The following GAREM1 variants were observed in gnomAD, a reference collection of about 807,000 sequenced individuals.
GAREM1 encodes GRB2-associated and regulator of MAPK protein 1.
A neutral mutation model predicts 71.3 loss-of-function variants in GAREM1; 26 were observed. The observed-to-expected ratio is 0.36, with a 90% CI of 0.27 to 0.51. The LOEUF (loss-of-function observed/expected upper bound fraction) is 0.51, where lower values mean the gene tolerates loss of function less well. Ranked by LOEUF, GAREM1 falls within the 20% of genes least tolerant of loss-of-function variation. GAREM1 has a pLI of 0.95. For missense variants in GAREM1, 1,026 were observed against 1,103.1 expected (o/e 0.93, Z 0.99); for synonymous variants, 440 against 433.2 (o/e 1.02, Z -0.20).
At position 32,287,336 on chromosome 18, in the gene GAREM1, G is replaced by A; in HGVS notation, c.1261C>T (p.Leu421=). 2 of 1,614,228 alleles carry A rather than the reference G, an allele frequency of 1.2e-6. No homozygotes were observed. The highest frequency in any genetic ancestry group is 1.7e-6 in the Non-Finnish European group (2 of 1,180,044). The change falls in exon 4 of 6, where the codon CTG becomes TTG. Residue 421 remains leucine, a synonymous_variant. Transcript: ENST00000269209. This position sits in a 1 kb window ranked among gnomAD's most constrained non-coding sequence, Gnocchi z 5.9. ...GDWAPFPHDI[L]PYQDSGDSGS... is the part of the protein sequence containing the mutation. ...CTATCTCCAGAGTCCTGATAGGGCA[G>A]GATGTCATGAGGAAAGGGAGCCCAA...
intron 2 of GAREM1, among the ~76,000 whole-genome samples, chr18:32,383,956 C>T (rs2048120621): frequency 6.6e-6 from 1 of 152,072 alleles, no homozygotes; most frequent in Admixed American, 6.6e-5. Flanking sequence ...ATTTATAGAG[C>T]AATCTAGAAA....
chr18:32,318,414 C>T (rs141403897), intron 2 of GAREM1, among the ~76,000 whole-genome samples: 2 of 152,282 alleles, frequency 1.3e-5, no homozygotes, highest in African/African-American at 4.8e-5. Context: ...GCTGAAGGGA[C>T]TAAACTTCAC....
At chr18:32,330,258 G>T (rs1223276933) in intron 2 of GAREM1, among the ~76,000 whole-genome samples, 1 of 152,174 alleles carries the variant, frequency 6.6e-6, no homozygotes, top group East Asian at 1.9e-4. Flanking sequence ...TGCAGGTACA[G>T]AAAACCAAAT....
chr18:32,337,916 T>A (rs2047613840), intron 2 of GAREM1, among the ~76,000 whole-genome samples: 1 of 152,146 alleles, frequency 6.6e-6, no homozygotes, highest in Non-Finnish European at 1.5e-5. Context: ...ACTTCCTTGG[T>A]TGAATGCAAA....
intron 2 of GAREM1, among the ~76,000 whole-genome samples, chr18:32,370,471 C>A (rs1290089949): frequency 6.6e-6 from 1 of 150,800 alleles, no homozygotes; most frequent in Non-Finnish European, 1.5e-5. Flanking sequence ...AGGCATAACA[C>A]ACAATATTTA....
At chr18:32,279,648 A>C (rs532751783) in intron 4 of GAREM1, among the ~76,000 whole-genome samples, 1 of 152,184 alleles carries the variant, frequency 6.6e-6, no homozygotes, top group Non-Finnish European at 1.5e-5. Flanking sequence ...ACAATGTAAT[A>C]ATAATAGAAA....
rs2047034251 is a variant in GAREM1, at chr18:32,287,439, G to C, written c.1158C>G (p.Leu386=). Residue 386 remains leucine, a synonymous_variant, in exon 4 of 6, where the codon CTC becomes CTG. Coordinates refer to ENST00000269209, the MANE Select transcript of GAREM1 (RefSeq NM_001242409.2). The surrounding 1 kb of genome is among the most constrained non-coding windows in gnomAD (Gnocchi z 5.9). ...GATTGTTGCCATACACACAGACCGA[G>C]AGTCGGTGGAAGGACTGGGTGAGCT... ...RDELTQSFHR[L]SVCVYGNNLH... 1 of 1,614,230 alleles carries C rather than the reference G, an allele frequency of 6.2e-7. No homozygotes were observed. Among genetic ancestry groups the C allele is most frequent in the African/African-American group, 1.3e-5 (1 of 75,064 alleles).
chr18:32,306,468 C>CA (rs983055804), intron 3 of GAREM1, among the ~76,000 whole-genome samples: 2 of 141,282 alleles, frequency 1.4e-5, no homozygotes, highest in African/African-American at 5.6e-5. Context: ...CAGCAACCCC[C>CA]CCCACCCACT....
At chr18:32,390,234 T>A (rs1474826160) in intron 2 of GAREM1, among the ~76,000 whole-genome samples, 1 of 114,572 alleles carries the variant, frequency 8.7e-6, no homozygotes, top group Non-Finnish European at 1.8e-5. Flanking sequence ...GTTTATAAAA[T>A]TTTTTTTAAA....
In GAREM1 at chr18:32,411,326, G is replaced by A. The variant is rs58018085; in HGVS notation, c.122-18291C>T. On this transcript the variant is annotated intron_variant, in intron 1 of 5. Coordinates refer to ENST00000269209, the MANE Select transcript of GAREM1 (RefSeq NM_001242409.2). ...TTCAAGAGGATAAACTGAGCCACAAGTCAAACGTTAGGGATTTTCAGTGTC... is the reference window on the plus strand; with the variant it reads ...TTCAAGAGGATAAACTGAGCCACAAATCAAACGTTAGGGATTTTCAGTGTC... 2.2e-3 allele frequency among the ~76,000 whole-genome samples: 328 copies of A among 152,262 alleles called. 2 individuals are homozygous for A. Among genetic ancestry groups the A allele is most frequent in the African/African-American group, 7.4e-3 (307 of 41,558 alleles).
intron 3 of GAREM1, among the ~76,000 whole-genome samples, chr18:32,304,619 C>T (rs902449373): frequency 5.9e-5 from 9 of 152,176 alleles, no homozygotes; most frequent in South Asian, 2.1e-4. Context: ...GCAGCTTGCC[C>T]GCCTCCTTAC....
chr18:32,375,001 A>G (rs1598999998), intron 2 of GAREM1, among the ~76,000 whole-genome samples: 1 of 152,324 alleles, frequency 6.6e-6, no homozygotes, highest in African/African-American at 2.4e-5. Context: ...ACTTTCTCCT[A>G]AAGAAGAAGC....
rs2172388 is a variant in GAREM1 at position 32,466,518 on chromosome 18, C to G, written c.121+3790G>C. 0.026 allele frequency among the ~76,000 whole-genome samples: 3,883 copies of G among 152,160 alleles called. 374 individuals carry two copies. In the East Asian group the frequency reaches 0.34, roughly 13 times the overall value. ...TTTTAGCATTTAACTGAAAAATGTG[C>G]TTAGGGACAGAGTTTCACCAAATCT... On this transcript the variant is annotated intron_variant, in intron 1 of 5. Transcript: ENST00000269209.
chr18:32,307,095 A>G (rs2047263505), intron 3 of GAREM1, among the ~76,000 whole-genome samples: 1 of 152,242 alleles, frequency 6.6e-6, no homozygotes. Context: ...GTTTGTGAAG[A>G]AACCCAGAAC....
At chr18:32,382,552 C>T (rs922872711) in intron 2 of GAREM1, among the ~76,000 whole-genome samples, 2 of 152,106 alleles carry the variant, frequency 1.3e-5, no homozygotes, top group Non-Finnish European at 2.9e-5. Flanking sequence ...CAAAGGAACA[C>T]CAGACCTCAA....
intron 2 of GAREM1, among the ~76,000 whole-genome samples, chr18:32,346,854 G>A (rs999413344): frequency 6.6e-6 from 1 of 152,192 alleles, no homozygotes; most frequent in Non-Finnish European, 1.5e-5. Flanking sequence ...AGGCCTTGCA[G>A]ACAGCTACTG....
intron 2 of GAREM1, among the ~76,000 whole-genome samples, chr18:32,364,011 TATATATATATATA>T (rs2047897171): frequency 8.7e-5 from 5 of 57,552 alleles, no homozygotes; most frequent in African/African-American, 2.7e-4. Context: ...TATATATATA[TATATATATATATA>T]TATGTTTTTT....
chr18:32,384,503 C>T (rs892680496), intron 2 of GAREM1, among the ~76,000 whole-genome samples: 14 of 152,198 alleles, frequency 9.2e-5, no homozygotes, highest in African/African-American at 2.4e-4. Flanking sequence ...ATGGAAAATT[C>T]GGGTAATGAA....
intron 2 of GAREM1, among the ~76,000 whole-genome samples, chr18:32,331,928 A>G (rs1440037092): frequency 6.6e-6 from 1 of 151,916 alleles, no homozygotes; most frequent in African/African-American, 2.4e-5. Context: ...ACAGACTGAC[A>G]GGGCTGGTGA....
Sources: gnomAD v4.1 joint callset for allele counts (sites outside exome capture counted in the v4.1 genomes callset) on GRCh38, gnomAD v4.1.1 for gene constraint, Gnocchi (gnomAD v3.1) non-coding constraint, MANE v1.5 for transcripts, NCBI Gene and HGNC (gene_info 2026-07-23, HGNC 2026-07-21) for gene names.